Variants in FAM107B observed in about 807,000 individuals in gnomAD.
The protein encoded by FAM107B is family with sequence similarity 107 member B, also known as protein FAM107B.
FAM107B carries 21 observed loss-of-function variants against 31.5 expected under a neutral mutation model. That is an observed-to-expected ratio of 0.67 (90% confidence interval 0.47 to 0.96). The LOEUF (loss-of-function observed/expected upper bound fraction) is 0.96. Ranked by LOEUF, FAM107B falls within the 40% of genes least tolerant of loss-of-function variation. The pLI is 0.00. For missense variants in FAM107B, 452 were observed against 377.1 expected, an observed-to-expected ratio of 1.20 and a Z score of -1.64; for synonymous variants, 157 against 141.5, an observed-to-expected ratio of 1.11 and a Z score of -0.78.
At chr10:14,616,808 C>T (rs938749723) in intron 2 of FAM107B, among the ~76,000 whole-genome samples, 7 of 151,978 alleles carry the variant, frequency 4.6e-5, no homozygotes, top group Middle Eastern at 3.2e-3. Context: ...ATCTGTGGAC[C>T]CAGCTACTTC....
chr10:14,543,490 G>A (rs763863160), intron 2 of FAM107B, among the ~76,000 whole-genome samples: 5 of 152,096 alleles, frequency 3.3e-5, no homozygotes, highest in Middle Eastern at 3.4e-3. Context: ...CTCAGGAGCA[G>A]TGCAGGAGGA....
At chr10:14,758,184 T>C (rs977397700) in intron 1 of FAM107B, among the ~76,000 whole-genome samples, 8 of 152,222 alleles carry the variant, frequency 5.3e-5, no homozygotes, top group African/African-American at 1.7e-4. Flanking sequence ...TCCTTTTCCC[T>C]TCCTACTTTG....
At chr10:14,630,094 C>G (rs973365675) in intron 2 of FAM107B, among the ~76,000 whole-genome samples, 2 of 152,062 alleles carry the variant, frequency 1.3e-5, no homozygotes, top group Non-Finnish European at 2.9e-5. Context: ...GTTTCCTTCA[C>G]TGAAGAATTT....
At chr10:14,662,414 T>A (rs1004593964) in intron 2 of FAM107B, among the ~76,000 whole-genome samples, 2 of 149,662 alleles carry the variant, frequency 1.3e-5, no homozygotes, top group Non-Finnish European at 3.0e-5. Flanking sequence ...TCTCGCTCTC[T>A]CACCCAGGCT....
intron 2 of FAM107B, among the ~76,000 whole-genome samples, chr10:14,569,070 C>T (rs1265980377): frequency 6.6e-6 from 1 of 152,098 alleles, no homozygotes; most frequent in African/African-American, 2.4e-5. Flanking sequence ...TTTTTTGGTT[C>T]TCATCGAAAG....
chr10:14,545,240 G>T (rs1848586643), intron 2 of FAM107B, among the ~76,000 whole-genome samples: 1 of 152,190 alleles, frequency 6.6e-6, no homozygotes, highest in African/African-American at 2.4e-5. Flanking sequence ...GAGCCACTTT[G>T]CTACAGCACC....
intron 1 of FAM107B, among the ~76,000 whole-genome samples, chr10:14,719,339 C>T (rs1376889662): frequency 6.6e-6 from 1 of 152,208 alleles, no homozygotes; most frequent in African/African-American, 2.4e-5. Context: ...AAGAGATAAA[C>T]ATTTTTACAT....
At chr10:14,552,030 G>A (rs911061137) in intron 2 of FAM107B, among the ~76,000 whole-genome samples, 1 of 152,086 alleles carries the variant, frequency 6.6e-6, no homozygotes, top group African/African-American at 2.4e-5. Flanking sequence ...AAAGGATTGT[G>A]AACTATTTTA....
In FAM107B at chr10:14,521,202, G is replaced by C. The variant is rs1845594281; in HGVS notation, c.909C>G (p.Ala303=). 2 of 1,614,022 alleles carry C rather than the reference G, an allele frequency of 1.2e-6. No individual in the cohort carries two copies. The highest frequency in any genetic ancestry group is 2.7e-5 in the African/African-American group (2 of 75,014). ...LRRTGQEVAQ[A]QES is the part of the protein sequence containing the mutation. ...GTGCAGCCTCAGCCTAGGACTCCTG[G>C]GCTTGGGCGACTTCTTGGCCTGTTC... Residue 303 remains alanine (A), a synonymous_variant, in exon 5 of 5, where the codon GCC becomes GCG. Coordinates refer to ENST00000181796, the MANE Select transcript of FAM107B (RefSeq NM_031453.4).
At chr10:14,697,747 G>T (rs1172127942) in intron 1 of FAM107B, among the ~76,000 whole-genome samples, 1 of 152,190 alleles carries the variant, frequency 6.6e-6, no homozygotes, top group East Asian at 1.9e-4. Context: ...TACCTAGACT[G>T]TTTCTACAAT....
At chr10:14,752,303 C>A (rs930714879) in intron 1 of FAM107B, among the ~76,000 whole-genome samples, 2 of 152,204 alleles carry the variant, frequency 1.3e-5, no homozygotes, top group African/African-American at 2.4e-5. Context: ...GCAGTGTGAT[C>A]ATCTCTGAGC....
intron 1 of FAM107B, among the ~76,000 whole-genome samples, chr10:14,679,634 G>T (rs529641278): frequency 6.6e-6 from 1 of 152,194 alleles, no homozygotes; most frequent in Non-Finnish European, 1.5e-5. Context: ...TGACAAAACC[G>T]AATTCAAGCT....
chr10:14,583,446 C>G (rs533325917), intron 2 of FAM107B, among the ~76,000 whole-genome samples: 1 of 152,328 alleles, frequency 6.6e-6, no homozygotes, highest in Admixed American at 6.5e-5. Context: ...ACTCTGAAAA[C>G]AGGACCCAAG....
intron 2 of FAM107B, among the ~76,000 whole-genome samples, chr10:14,622,493 G>C (rs1853039281): frequency 1.3e-5 from 2 of 152,194 alleles, no homozygotes; most frequent in South Asian, 4.1e-4. Context: ...TTTTAGTAGA[G>C]ACGGGGTTTC....
Position 14,646,372 on chromosome 10 carries a change from T to C in FAM107B, c.469+21262A>G, listed in dbSNP as rs1853754473. Among the ~76,000 whole-genome samples, 3 of 152,338 alleles carry C rather than the reference T, an allele frequency of 2.0e-5. No individual in the cohort carries two copies. In the South Asian group the frequency reaches 6.2e-4, roughly 32 times the overall value. ...CTCCTCCTGAGTCTCCAGTGTCCACTGTACCACTCTGTATGCCCATCGCTT... is the reference window on the plus strand; with the variant it reads ...CTCCTCCTGAGTCTCCAGTGTCCACCGTACCACTCTGTATGCCCATCGCTT... On this transcript the variant is annotated intron_variant, in intron 2 of 4. Coordinates refer to ENST00000181796, the MANE Select transcript of FAM107B (RefSeq NM_031453.4).
intron 2 of FAM107B, among the ~76,000 whole-genome samples, chr10:14,583,773 G>A (rs1011448054): frequency 2.0e-5 from 3 of 152,124 alleles, no homozygotes; most frequent in Non-Finnish European, 4.4e-5. Context: ...CACTGGACAA[G>A]GCCACAAGTT....
intron 1 of FAM107B, among the ~76,000 whole-genome samples, chr10:14,742,711 A>G (rs1465845384): frequency 2.0e-5 from 3 of 152,164 alleles, no homozygotes; most frequent in Non-Finnish European, 4.4e-5. Context: ...AGTAATGGCC[A>G]TATTTCATAT....
At chr10:14,707,370 GAC>G (rs10562227) in intron 1 of FAM107B, among the ~76,000 whole-genome samples, 152,138 of 152,140 alleles carry the variant, frequency 1, 76,068 homozygotes, top group Middle Eastern at 1. Context: ...CATTCTCAAA[GAC>G]ACACAAAGAG....
intron 2 of FAM107B, among the ~76,000 whole-genome samples, chr10:14,626,743 T>C (rs542685535): frequency 6.6e-6 from 1 of 152,262 alleles, no homozygotes; most frequent in African/African-American, 2.4e-5. Flanking sequence ...GACCTCGTGA[T>C]CTGCCCGCCT....
Sources: allele counts gnomAD v4.1 joint callset (sites outside exome capture counted in the v4.1 genomes callset), GRCh38; gene constraint gnomAD v4.1.1; transcripts MANE v1.5; gene names NCBI Gene and HGNC (gene_info 2026-07-23, HGNC 2026-07-21).